Variants in ITGA1 observed in about 807,000 individuals in gnomAD.
ITGA1 encodes integrin alpha-1.
ITGA1 carries 85 observed loss-of-function variants against 145.9 expected under a neutral mutation model. The observed-to-expected ratio is 0.58, with a 90% CI of 0.49 to 0.70. The LOEUF is 0.70. Among genes scored for constraint, ITGA1 ranks in the 30% least tolerant of loss-of-function variants. The pLI is 0.00. For missense variants in ITGA1, 1,351 were observed against 1,418.7 expected, an observed-to-expected ratio of 0.95 and a Z score of 0.77; for synonymous variants, 520 against 495.3, an observed-to-expected ratio of 1.05 and a Z score of -0.66.
chr5:52,919,328 CT>C (rs1471479095), intron 16 of ITGA1, among the ~76,000 whole-genome samples: 1 of 152,120 alleles, frequency 6.6e-6, no homozygotes, highest in African/African-American at 2.4e-5. Flanking sequence ...AACCCTAATA[CT>C]TTACCATTCC....
chr5:52,825,182 A>T (rs1748940748), intron 1 of ITGA1: 1 of 152,204 alleles, frequency 6.6e-6, no homozygotes, highest in South Asian at 2.1e-4. Context: ...ATAATATTTC[A>T]TATAAATGAA....
chr5:52,925,957 G>A (rs745314083), intron 19 of ITGA1, among the ~76,000 whole-genome samples: 54 of 152,022 alleles, frequency 3.6e-4, no homozygotes, highest in Non-Finnish European at 6.5e-4. Context: ...TTGTAACAGA[G>A]GTTTCTTTTA....
intron 1 of ITGA1, among the ~76,000 whole-genome samples, chr5:52,847,103 T>A (rs1749349727): frequency 6.6e-6 from 1 of 152,196 alleles, no homozygotes; most frequent in South Asian, 2.1e-4. Flanking sequence ...CTGACACAGA[T>A]AACTATATAG....
intron 14 of ITGA1, among the ~76,000 whole-genome samples, chr5:52,912,319 T>C (rs1243836223): frequency 6.9e-6 from 1 of 145,726 alleles, no homozygotes; most frequent in African/African-American, 2.5e-5. Flanking sequence ...CTATATACTA[T>C]ATATTTCATA....
rs1471357591 is a variant in ITGA1, at chr5:52,893,736, C to T, written c.986C>T (p.Ser329Leu). The change falls in exon 9 of 29, where the codon TCA becomes TTA. Residue 329 changes from serine (S) to leucine (L), a missense_variant. Physicochemically the swap from Ser to Leu is moderately radical, Grantham distance 145. Transcript: ENST00000282588. ...STEKFVEEIKSIASEPTEKHF... is the reference protein window; with the variant it reads ...STEKFVEEIKLIASEPTEKHF... ...GAAAAATTTGTGGAGGAAATAAAAT[C>T]AATTGCAAGTGAACCCACTGAAAAG... The T allele has an allele frequency of 3.1e-6, 5 of 1,612,788 alleles. No homozygotes were observed. Among genetic ancestry groups the T allele is most frequent in the Non-Finnish European group, 2.5e-6 (3 of 1,179,126 alleles).
Position 52,849,485 on chromosome 5 carries a change from G to T in ITGA1, c.182G>T (p.Trp61Leu). Residue 61 changes from tryptophan to leucine, a missense_variant and splice_region_variant, in exon 2 of 29, where the codon TGG becomes TTG. By Grantham distance (61) the Trp-to-Leu change is moderately conservative (BLOSUM62 -2). Transcript: ENST00000282588. ...VQQYENEEGK[W>L]VLIGSPLVGQ... ...CAATATGAAAATGAAGAAGGAAAAT[G>T]GTAAGCCAGTGGGTTTTGTTGTTGT... is the stretch of plus-strand genomic sequence containing the variant. 6.3e-7 allele frequency: 1 copy of T among 1,594,346 alleles called. No homozygotes were observed. Among genetic ancestry groups the T allele is most frequent in the South Asian group, 1.1e-5 (1 of 89,022 alleles).
chr5:52,862,186 C>T (rs937708314), intron 3 of ITGA1, among the ~76,000 whole-genome samples: 1 of 145,436 alleles, frequency 6.9e-6, no homozygotes, highest in Non-Finnish European at 1.5e-5. Context: ...CCATTGCACT[C>T]CAGCCTGAGG....
At chr5:52,929,304 C>T (rs1406534670) in intron 20 of ITGA1, among the ~76,000 whole-genome samples, 3 of 152,078 alleles carry the variant, frequency 2.0e-5, no homozygotes, top group South Asian at 4.1e-4. Flanking sequence ...AGGGCTCTGC[C>T]CTTATGATCT....
chr5:52,816,274 C>G (rs1307024644), intron 1 of ITGA1, among the ~76,000 whole-genome samples: 12 of 151,988 alleles, frequency 7.9e-5, no homozygotes, highest in African/African-American at 2.9e-4. Context: ...GAAAGGAAAC[C>G]AATATGCCAG....
chr5:52,914,630 G>A (rs1579717636), intron 14 of ITGA1, among the ~76,000 whole-genome samples: 1 of 148,170 alleles, frequency 6.7e-6, no homozygotes, highest in African/African-American at 2.6e-5. Context: ...ACTTTCAAAC[G>A]AGCCTCACCT....
intron 24 of ITGA1, among the ~76,000 whole-genome samples, chr5:52,938,567 G>A (rs888679427): frequency 3.3e-5 from 5 of 152,066 alleles, no homozygotes; most frequent in African/African-American, 7.2e-5. Context: ...GCAGGTTTGT[G>A]AAAATCCAGA....
At chr5:52,798,181 T>C (rs911934511) in intron 1 of ITGA1, among the ~76,000 whole-genome samples, 26 of 152,198 alleles carry the variant, frequency 1.7e-4, no homozygotes, top group African/African-American at 5.8e-4. Flanking sequence ...CTTTGCTTAG[T>C]GAAAAGTTGC....
intron 18 of ITGA1, among the ~76,000 whole-genome samples, chr5:52,924,555 A>C (rs1750775261): frequency 1.3e-5 from 2 of 151,840 alleles, no homozygotes; most frequent in South Asian, 4.1e-4. Context: ...ACAAATTCTA[A>C]ACTTTTGAAA....
chr5:52,875,699 T>A (rs1397902883), intron 6 of ITGA1, among the ~76,000 whole-genome samples: 1 of 152,158 alleles, frequency 6.6e-6, no homozygotes, highest in Non-Finnish European at 1.5e-5. Flanking sequence ...GGAAAGAATG[T>A]CCACATTTAA....
intron 2 of ITGA1, among the ~76,000 whole-genome samples, chr5:52,860,330 G>A (rs953003613): frequency 9.2e-5 from 14 of 151,992 alleles, no homozygotes; most frequent in South Asian, 2.1e-4. Flanking sequence ...GGCGGATCAC[G>A]TGGTCAAGAG....
At chr5:52,912,217 A>C (rs535498702) in intron 14 of ITGA1, among the ~76,000 whole-genome samples, 5 of 143,986 alleles carry the variant, frequency 3.5e-5, no homozygotes, top group Admixed American at 7.0e-5. Flanking sequence ...TATAGATATG[A>C]TATATATACT....
At chr5:52,923,319 G>T (rs1002715086) in intron 18 of ITGA1, among the ~76,000 whole-genome samples, 1 of 151,894 alleles carries the variant, frequency 6.6e-6, no homozygotes, top group Non-Finnish European at 1.5e-5. Context: ...TGTTTGCTCC[G>T]TTTTCTCAAT....
chr5:52,923,205 A>G (rs769539004), intron 18 of ITGA1, among the ~76,000 whole-genome samples: 5 of 152,218 alleles, frequency 3.3e-5, no homozygotes, highest in Non-Finnish European at 5.9e-5. Flanking sequence ...GCTTCCTTAT[A>G]CAACATATGT....
intron 18 of ITGA1, among the ~76,000 whole-genome samples, chr5:52,923,726 G>A (rs1485986318): frequency 1.3e-5 from 2 of 152,112 alleles, no homozygotes; most frequent in African/African-American, 4.8e-5. Context: ...TACCTCATTT[G>A]AATTTAGGAC....
Sources: allele counts gnomAD v4.1 joint callset (sites outside exome capture counted in the v4.1 genomes callset), GRCh38; gene constraint gnomAD v4.1.1; transcripts MANE v1.5; gene names NCBI Gene and HGNC (gene_info 2026-07-23, HGNC 2026-07-21).